The following SLC1A2 variants were observed in gnomAD, a reference collection of about 807,000 sequenced individuals.
SLC1A2 encodes excitatory amino acid transporter 2.
Under a neutral mutation model 48.8 loss-of-function variants are expected in SLC1A2, and 15 were observed. The ratio of observed to expected loss-of-function variants is 0.31; its 90% CI spans 0.21 to 0.47. The LOEUF (loss-of-function observed/expected upper bound fraction) is 0.47, where lower values mean the gene tolerates loss of function less well. Ranked by LOEUF, SLC1A2 falls within the 20% of genes least tolerant of loss-of-function variation. The pLI is 0.99. For synonymous variants in SLC1A2, 279 were observed against 272.6 expected (o/e 1.02, Z -0.23); for missense variants, 502 against 730.5 (o/e 0.69, Z 3.61).
At chr11:35,287,985 C>G (rs1850880097) in intron 7 of SLC1A2, among the ~76,000 whole-genome samples, 1 of 152,180 alleles carries the variant, frequency 6.6e-6, no homozygotes, top group South Asian at 2.1e-4. Flanking sequence ...GGTGTTTTCT[C>G]TCTTGCACTT....
At chr11:35,320,050 T>A (rs1368783855) in intron 1 of SLC1A2, among the ~76,000 whole-genome samples, 1 of 152,202 alleles carries the variant, frequency 6.6e-6, no homozygotes, top group Admixed American at 6.5e-5. Context: ...GTCTAACTAA[T>A]CACTACGTCT....
At chr11:35,289,080 G>T (rs1850913149) in intron 7 of SLC1A2, among the ~76,000 whole-genome samples, 1 of 152,128 alleles carries the variant, frequency 6.6e-6, no homozygotes. Context: ...TCAGATATTT[G>T]AAATGCTTCT....
At chr11:35,316,557 G>T (rs1010997507) in intron 2 of SLC1A2, 1 of 152,306 alleles carries the variant, frequency 6.6e-6, no homozygotes, top group Non-Finnish European at 1.5e-5. Flanking sequence ...CAAGGCATCT[G>T]TCTCAAAGGA....
chr11:35,256,164 A>C lies in SLC1A2; in HGVS notation c.*4730T>G, dbSNP rs1357642866. ...AAGTCATACAGCTAAAAATGGGCAG[A>C]GTCTAAATCAAATGTTCCCTCTACC... On this transcript the variant is annotated 3_prime_UTR_variant, in exon 11 of 11. Transcript: ENST00000278379. 2 of 152,242 alleles carry C rather than the reference A, an allele frequency of 1.3e-5. No homozygotes were observed. Among genetic ancestry groups the C allele is most frequent in the Non-Finnish European group, 1.5e-5 (1 of 68,040 alleles). The allele number at this position is 152,242 out of a possible 1,614,324, so 9.4% of individuals were successfully genotyped here. A position where few individuals can be genotyped will look rare whatever the true frequency, so the allele number is the denominator to read the frequency against.
chr11:35,380,301 T>G (rs2135200211), intron 1 of SLC1A2: 1 of 398,520 alleles, frequency 2.5e-6, no homozygotes, highest in African/African-American at 2.1e-5. Flanking sequence ...CACCTAAAGA[T>G]TCCATGGAAA....
intron 1 of SLC1A2, chr11:35,322,451 T>C (rs1368202040): frequency 1.5e-6 from 1 of 663,322 alleles, no homozygotes; most frequent in Non-Finnish European, 2.6e-6. Flanking sequence ...AACTCTTTTT[T>C]CCACCTTCAC....
At chr11:35,262,983 G>A (rs1294015995) in intron 10 of SLC1A2, among the ~76,000 whole-genome samples, 1 of 152,082 alleles carries the variant, frequency 6.6e-6, no homozygotes, top group Non-Finnish European at 1.5e-5. Flanking sequence ...ACACAGCAAG[G>A]ACTAAAGATG....
intron 4 of SLC1A2, chr11:35,307,264 C>G (rs1034434521): frequency 1.3e-5 from 2 of 152,248 alleles, no homozygotes; most frequent in African/African-American, 4.8e-5. Context: ...AGAGTGCCAG[C>G]TGCCAGCAGC....
At chr11:35,339,697 G>C (rs1208600626) in intron 1 of SLC1A2, among the ~76,000 whole-genome samples, 2 of 152,136 alleles carry the variant, frequency 1.3e-5, no homozygotes, top group African/African-American at 4.8e-5. Context: ...ATGGAGGGAT[G>C]GATATTGGAC....
At chr11:35,314,143 G>A (rs570266018) in intron 3 of SLC1A2, among the ~76,000 whole-genome samples, 3 of 152,286 alleles carry the variant, frequency 2.0e-5, no homozygotes, top group East Asian at 1.9e-4. Flanking sequence ...AATTATTTTA[G>A]TCAAAGATAA....
chr11:35,401,832 T>C (rs528971371), intron 1 of SLC1A2, among the ~76,000 whole-genome samples: 1 of 152,148 alleles, frequency 6.6e-6, no homozygotes, highest in Admixed American at 6.5e-5. Context: ...TTGGTGGGGG[T>C]AGACCCTCAG....
intron 5 of SLC1A2, 104 bp downstream of exon 5, chr11:35,305,970 G>C (rs1005244829): frequency 8.9e-6 from 9 of 1,014,694 alleles, no homozygotes; most frequent in Non-Finnish European, 1.3e-5. Context: ...AGAGCCTCCT[G>C]CTCCACCTAG....
At chr11:35,418,830 G>C (rs1037627112) in intron 1 of SLC1A2, 120 bp downstream of exon 1, 12 of 826,096 alleles carry the variant, frequency 1.5e-5, no homozygotes, top group Non-Finnish European at 2.0e-5. Context: ...GCCAAGCTAC[G>C]GCTCCGCCAC....
intron 1 of SLC1A2, among the ~76,000 whole-genome samples, chr11:35,329,898 AT>A (rs1852374868): frequency 6.6e-6 from 1 of 152,148 alleles, no homozygotes; most frequent in African/African-American, 2.4e-5. Flanking sequence ...AATGTACTGG[AT>A]GCTTTACATG....
intron 1 of SLC1A2, among the ~76,000 whole-genome samples, chr11:35,335,779 A>G (rs1852608559): frequency 1.3e-5 from 2 of 152,202 alleles, no homozygotes; most frequent in African/African-American, 4.8e-5. Context: ...CCTGAGCAAC[A>G]TGGTGAAACC....
intron 1 of SLC1A2, among the ~76,000 whole-genome samples, chr11:35,357,751 C>G (rs1431359590): frequency 6.6e-6 from 1 of 151,966 alleles, no homozygotes; most frequent in Non-Finnish European, 1.5e-5. Flanking sequence ...ATTGTCCACA[C>G]AATATAAGAG....
intron 1 of SLC1A2, among the ~76,000 whole-genome samples, chr11:35,333,610 TA>T (rs1852507371): frequency 6.6e-6 from 1 of 152,180 alleles, no homozygotes; most frequent in African/African-American, 2.4e-5. Flanking sequence ...AAATTTATTC[TA>T]AAACCCTTTA....
intron 1 of SLC1A2, among the ~76,000 whole-genome samples, chr11:35,332,984 G>A (rs1357766045): frequency 1.3e-5 from 2 of 152,156 alleles, no homozygotes; most frequent in Non-Finnish European, 2.9e-5. Flanking sequence ...AAACCTGGTG[G>A]ATCTTCAAAC....
At chr11:35,389,209 CT>C (rs1200452439) in intron 1 of SLC1A2, among the ~76,000 whole-genome samples, 1 of 152,168 alleles carries the variant, frequency 6.6e-6, no homozygotes, top group East Asian at 1.9e-4. Context: ...AGCAATACCT[CT>C]TTAACTTTTA....
Sources: allele counts gnomAD v4.1 joint callset (sites outside exome capture counted in the v4.1 genomes callset), GRCh38; gene constraint gnomAD v4.1.1; transcripts MANE v1.5; gene names NCBI Gene and HGNC (gene_info 2026-07-23, HGNC 2026-07-21).